MCF2L: variants seen among roughly 807,000 people sequenced by gnomAD.
MCF2L encodes the protein guanine nucleotide exchange factor DBS.
Under a neutral mutation model 153.4 loss-of-function variants are expected in MCF2L, and 97 were observed. The ratio of observed to expected loss-of-function variants is 0.63; its 90% CI spans 0.54 to 0.75. The LOEUF (loss-of-function observed/expected upper bound fraction) is 0.75. Ranked by LOEUF, MCF2L falls within the 30% of genes least tolerant of loss-of-function variation. The pLI is 0.00. For missense variants in MCF2L, 1,347 were observed against 1,495.2 expected (o/e 0.90, Z 1.64); for synonymous variants, 659 against 632.2 (o/e 1.04, Z -0.64).
At chr13:112,985,354 C>G (rs117150964) in intron 1 of MCF2L, 5 of 468,678 alleles carry the variant, frequency 1.1e-5, no homozygotes, top group Non-Finnish European at 2.2e-5. Context: ...CAGGGCAGCG[C>G]GCGTCCTCCC....
At chr13:112,923,257 CTTTTTTTTTTTTT>C (rs57030206) in intron 2 of MCF2L, among the ~76,000 whole-genome samples, 1 of 78,446 alleles carries the variant, frequency 1.3e-5, no homozygotes, top group Non-Finnish European at 2.3e-5. Context: ...GTGTTTGCTT[CTTTTTTTTTTTTT>C]TTTTTTTTTT....
At chr13:113,060,368 C>T (rs973478685) in intron 4 of MCF2L, among the ~76,000 whole-genome samples, 1 of 152,238 alleles carries the variant, frequency 6.6e-6, no homozygotes, top group African/African-American at 2.4e-5. Flanking sequence ...AGCAGCATAA[C>T]GTTCTGCCAA....
chr13:113,015,435 C>G (rs1594665859), intron 2 of MCF2L, among the ~76,000 whole-genome samples: 1 of 151,932 alleles, frequency 6.6e-6, no homozygotes, highest in Admixed American at 6.5e-5. Context: ...CCTGGGCCAT[C>G]AGGGTGCCCC....
In MCF2L at chr13:113,031,819, A is replaced by T. The variant is rs1205358718; in HGVS notation, c.278+7061A>T. Reference sequence around the variant, plus strand: ...GGGTCACATTCAGCCCATAAGAGGCATGTACACATACAGATGCACACACGC... The same window carrying T: ...GGGTCACATTCAGCCCATAAGAGGCTTGTACACATACAGATGCACACACGC... On this transcript the variant is annotated intron_variant, in intron 3 of 29. Transcript: ENST00000535094. This position sits in a 1 kb window ranked among gnomAD's most constrained non-coding sequence, Gnocchi z 5.5. 6.6e-6 allele frequency among the ~76,000 whole-genome samples: 1 copy of T among 152,072 alleles called. No individual in the cohort carries two copies.
intron 1 of MCF2L, among the ~76,000 whole-genome samples, chr13:112,998,547 A>G (rs2083231914): frequency 6.6e-6 from 1 of 152,214 alleles, no homozygotes; most frequent in Non-Finnish European, 1.5e-5. Flanking sequence ...GAAGCCTGCA[A>G]GAAATCACAA....
rs2081975810 is a variant in MCF2L at position 112,969,696 on chromosome 13, G to A, written c.79+238G>A. On this transcript the variant is annotated intron_variant, in intron 1 of 29. Coordinates refer to ENST00000535094, the MANE Select transcript of MCF2L (RefSeq NM_001112732.3). The surrounding 1 kb of genome is among the most constrained non-coding windows in gnomAD (Gnocchi z 4.8). Reference sequence around the variant, plus strand: ...TGGTGACACTGGCTCTCTCAGGGTTGCTGGGTCTGCATGCGGAGCCATTTG... The same window carrying A: ...TGGTGACACTGGCTCTCTCAGGGTTACTGGGTCTGCATGCGGAGCCATTTG... 6.6e-6 allele frequency among the ~76,000 whole-genome samples: 1 copy of A among 152,162 alleles called. No individual in the cohort carries two copies. Among genetic ancestry groups the A allele is most frequent in the Admixed American group, 6.5e-5 (1 of 15,276 alleles).
intron 1 of MCF2L, among the ~76,000 whole-genome samples, chr13:113,005,481 G>A (rs1454543755): frequency 3.3e-5 from 5 of 152,142 alleles, no homozygotes; most frequent in Non-Finnish European, 5.9e-5. Flanking sequence ...GGTGGCCGTG[G>A]CGTGTTTGTT....
chr13:113,005,188 G>C (rs2083605717), intron 1 of MCF2L, among the ~76,000 whole-genome samples: 7 of 152,224 alleles, frequency 4.6e-5, no homozygotes, highest in Admixed American at 4.6e-4. Context: ...AGACAGCACG[G>C]ATGAGCCTGG....
At chr13:113,006,369 C>T (rs575019821) in intron 1 of MCF2L, among the ~76,000 whole-genome samples, 2 of 152,186 alleles carry the variant, frequency 1.3e-5, no homozygotes, top group African/African-American at 4.8e-5. Context: ...TAGGTCCTCG[C>T]GAGGACTCAC....
intron 26 of MCF2L, chr13:113,090,733 A>G (rs2035128320): frequency 3.0e-6 from 3 of 985,380 alleles, no homozygotes; most frequent in African/African-American, 1.7e-5. Flanking sequence ...AGCGTGGACA[A>G]GGGCTCTTTC....
intron 3 of MCF2L, chr13:113,040,492 C>G (rs770021701): frequency 6.6e-6 from 1 of 151,280 alleles, no homozygotes; most frequent in Non-Finnish European, 1.5e-5. Flanking sequence ...CTCCCAGACT[C>G]CTCTTCTCAT....
chr13:113,040,436 G>GTGTGTT (rs147478810), intron 3 of MCF2L: 35 of 153,080 alleles, frequency 2.3e-4, no homozygotes, highest in African/African-American at 8.6e-4. Context: ...GTGTGTGTGT[G>GTGTGTT]TTTCTTTTCC....
intron 2 of MCF2L, among the ~76,000 whole-genome samples, chr13:112,946,055 T>C (rs896819396): frequency 6.6e-6 from 1 of 152,206 alleles, no homozygotes; most frequent in Non-Finnish European, 1.5e-5. Flanking sequence ...AGAATATTTG[T>C]CTTTGAAATT....
At chr13:113,030,787 G>A (rs528699379) in intron 3 of MCF2L, among the ~76,000 whole-genome samples, 32 of 152,320 alleles carry the variant, frequency 2.1e-4, no homozygotes, top group Non-Finnish European at 4.6e-4. Context: ...AGAGACCAGC[G>A]ACAAGCAGAT....
intron 2 of MCF2L, among the ~76,000 whole-genome samples, chr13:112,934,191 G>T (rs905872132): frequency 6.6e-6 from 1 of 152,196 alleles, no homozygotes; most frequent in Non-Finnish European, 1.5e-5. Flanking sequence ...CCCCCTGCTT[G>T]CCACAGGAAT....
At position 112,993,605 on chromosome 13, in the gene MCF2L, C is replaced by G. The variant is rs562093582; in HGVS notation, c.80-21158C>G. Among the ~76,000 whole-genome samples the G allele has an allele frequency of 6.6e-6, 1 of 151,824 alleles. No individual in the cohort carries two copies. The highest frequency in any genetic ancestry group is 6.6e-5 in the Admixed American group (1 of 15,246). On this transcript the variant is annotated intron_variant, in intron 1 of 29. Transcript: ENST00000535094. The surrounding 1 kb of genome is among the most constrained non-coding windows in gnomAD (Gnocchi z 4.6). Reference sequence around the variant, plus strand: ...GAGAGAGGTTTCAGGGCAGGAGGGACGGGGCTTAGGGATGTTTCTTGGAGA... The same window carrying G: ...GAGAGAGGTTTCAGGGCAGGAGGGAGGGGGCTTAGGGATGTTTCTTGGAGA...
intron 2 of MCF2L, among the ~76,000 whole-genome samples, chr13:112,908,768 CTA>C (rs1171657058): frequency 6.7e-6 from 1 of 149,562 alleles, no homozygotes; most frequent in Non-Finnish European, 1.5e-5. Context: ...GAGTCTCACT[CTA>C]TTGTCCAGGG....
At chr13:113,003,043 G>T (rs1414601224) in intron 1 of MCF2L, among the ~76,000 whole-genome samples, 1 of 152,136 alleles carries the variant, frequency 6.6e-6, no homozygotes, top group Non-Finnish European at 1.5e-5. Flanking sequence ...GGGTGTGGTG[G>T]CGTGTGCCTG....
intron 1 of MCF2L, among the ~76,000 whole-genome samples, chr13:112,897,665 A>C (rs74645658): frequency 0.011 from 1,684 of 152,316 alleles, 29 homozygotes; most frequent in African/African-American, 0.038. Flanking sequence ...TGCTGTGGAG[A>C]CCGGAGAGGG....
Sources: gnomAD v4.1 joint callset for allele counts (sites outside exome capture counted in the v4.1 genomes callset) on GRCh38, gnomAD v4.1.1 for gene constraint, Gnocchi (gnomAD v3.1) non-coding constraint, MANE v1.5 for transcripts, NCBI Gene and HGNC (gene_info 2026-07-23, HGNC 2026-07-21) for gene names.